Variants in RSU1 observed in about 807,000 individuals in gnomAD.
RSU1 encodes rsu-1.
RSU1 carries 26 observed loss-of-function variants against 31.1 expected under a neutral mutation model. The ratio of observed to expected loss-of-function variants is 0.84; its 90% CI spans 0.61 to 1.16. The LOEUF (loss-of-function observed/expected upper bound fraction) is 1.16. RSU1 is among the 50% of genes most tolerant of loss of function. RSU1 has a pLI of 0.00. For missense variants in RSU1, 320 were observed against 339.1 expected, an observed-to-expected ratio of 0.94 and a Z score of 0.44; for synonymous variants, 164 against 136.3, an observed-to-expected ratio of 1.20 and a Z score of -1.41.
At chr10:16,808,355 G>A (rs1490761893) in intron 2 of RSU1, among the ~76,000 whole-genome samples, 1 of 151,890 alleles carries the variant, frequency 6.6e-6, no homozygotes, top group Non-Finnish European at 1.5e-5. Flanking sequence ...GTTGTGGCAG[G>A]TGCCTGTAAT....
At chr10:16,696,357 C>G (rs903642104) in intron 7 of RSU1, among the ~76,000 whole-genome samples, 9 of 152,118 alleles carry the variant, frequency 5.9e-5, no homozygotes, top group African/African-American at 2.2e-4. Context: ...CTGATCTGAG[C>G]TTTGGAAATG....
At chr10:16,655,970 G>C (rs1400523465) in intron 8 of RSU1, among the ~76,000 whole-genome samples, 1 of 151,726 alleles carries the variant, frequency 6.6e-6, no homozygotes, top group African/African-American at 2.4e-5. Context: ...ATACTACTGT[G>C]ATAATAAAAA....
intron 8 of RSU1, among the ~76,000 whole-genome samples, chr10:16,640,624 C>T (rs570550087): frequency 6.6e-6 from 1 of 152,360 alleles, no homozygotes; most frequent in East Asian, 1.9e-4. Flanking sequence ...TCAAATGGGC[C>T]TTACCCCCTG....
chr10:16,728,689 G>A (rs1435939104), intron 7 of RSU1, among the ~76,000 whole-genome samples: 1 of 152,206 alleles, frequency 6.6e-6, no homozygotes, highest in East Asian at 1.9e-4. Flanking sequence ...TCTTGAGTTG[G>A]GGAGGTTATC....
At chr10:16,697,448 G>C (rs1365011830) in intron 7 of RSU1, among the ~76,000 whole-genome samples, 1 of 152,200 alleles carries the variant, frequency 6.6e-6, no homozygotes, top group Non-Finnish European at 1.5e-5. Flanking sequence ...CTTGAGGTCA[G>C]GAGTTCCAGA....
intron 8 of RSU1, among the ~76,000 whole-genome samples, chr10:16,620,825 A>G (rs1834056771): frequency 6.7e-6 from 1 of 149,418 alleles, no homozygotes; most frequent in Admixed American, 6.6e-5. Flanking sequence ...AGCCTGGGCA[A>G]CAGAGCGAGA....
chr10:16,654,236 C>T (rs1189335474), intron 8 of RSU1, among the ~76,000 whole-genome samples: 2 of 150,922 alleles, frequency 1.3e-5, no homozygotes, highest in African/African-American at 4.9e-5. Context: ...CTACTGACCT[C>T]AGGTGATCAG....
At chr10:16,817,282 A>C (rs974508618) in intron 1 of RSU1, 33 bp downstream of exon 1, 52 of 578,248 alleles carry the variant, frequency 9.0e-5, no homozygotes, top group Non-Finnish European at 1.5e-4. Flanking sequence ...CGCAGCGAGA[A>C]GCAACCCCAA....
chr10:16,637,616 G>C (rs1834365851), intron 8 of RSU1, among the ~76,000 whole-genome samples: 1 of 152,018 alleles, frequency 6.6e-6, no homozygotes, highest in Non-Finnish European at 1.5e-5. Context: ...GTAAACCTTA[G>C]GCCATGCTGG....
At chr10:16,634,216 C>G (rs866124479) in intron 8 of RSU1, among the ~76,000 whole-genome samples, 2 of 152,170 alleles carry the variant, frequency 1.3e-5, no homozygotes, top group African/African-American at 4.8e-5. Context: ...GGCCCTGGGG[C>G]TACCGACTCT....
At chr10:16,775,579 C>T (rs1417821402) in intron 3 of RSU1, among the ~76,000 whole-genome samples, 3 of 152,176 alleles carry the variant, frequency 2.0e-5, no homozygotes, top group South Asian at 2.1e-4. Flanking sequence ...CGGCAGGACA[C>T]GTCTTCGACT....
Position 16,591,850 on chromosome 10 carries a change from A to G in RSU1, c.*1544T>C, listed in dbSNP as rs1235855485. 1 of 152,170 alleles carries G rather than the reference A, an allele frequency of 6.6e-6. No homozygotes were observed. The allele number at this position is 152,170 out of a possible 1,614,324, so 9.4% of individuals were successfully genotyped here. On this transcript the variant is annotated 3_prime_UTR_variant, in exon 9 of 9. Coordinates refer to ENST00000345264, the MANE Select transcript of RSU1 (RefSeq NM_012425.4). Reference sequence around the variant, plus strand: ...AATCTCAAAAGCTCAAAAGTCAATTAAAAAAATTCAGGCAGAGGCATACAT... The same window carrying G: ...AATCTCAAAAGCTCAAAAGTCAATTGAAAAAATTCAGGCAGAGGCATACAT...
At chr10:16,747,512 C>T (rs1013209563) in intron 7 of RSU1, among the ~76,000 whole-genome samples, 1 of 152,116 alleles carries the variant, frequency 6.6e-6, no homozygotes, top group African/African-American at 2.4e-5. Flanking sequence ...AACCTTAACT[C>T]TCTCACCCCT....
At chr10:16,784,725 C>G (rs559204949) in intron 2 of RSU1, among the ~76,000 whole-genome samples, 3 of 152,166 alleles carry the variant, frequency 2.0e-5, no homozygotes, top group Non-Finnish European at 4.4e-5. Flanking sequence ...TGCAGGGGAA[C>G]TCCCCTTCAT....
chr10:16,788,964 G>C (rs1312811331), intron 2 of RSU1, among the ~76,000 whole-genome samples: 3 of 152,156 alleles, frequency 2.0e-5, no homozygotes, highest in Admixed American at 6.5e-5. Flanking sequence ...CCATCTGAGA[G>C]TCACTGAAGT....
chr10:16,633,017 T>C (rs1834279514), intron 8 of RSU1, among the ~76,000 whole-genome samples: 1 of 152,190 alleles, frequency 6.6e-6, no homozygotes, highest in Non-Finnish European at 1.5e-5. Context: ...ATGGTACCTT[T>C]AGACTAGAGT....
intron 7 of RSU1, among the ~76,000 whole-genome samples, chr10:16,732,957 T>C (rs1192096189): frequency 6.6e-6 from 1 of 152,152 alleles, no homozygotes; most frequent in Non-Finnish European, 1.5e-5. Flanking sequence ...TCTACCTGCA[T>C]GGCTTTGACA....
intron 8 of RSU1, among the ~76,000 whole-genome samples, chr10:16,648,429 G>A (rs892706170): frequency 6.6e-6 from 1 of 152,194 alleles, no homozygotes; most frequent in African/African-American, 2.4e-5. Flanking sequence ...TGGGCAGAGA[G>A]CTTATTGCTT....
At chr10:16,704,640 T>A (rs911645180) in intron 7 of RSU1, among the ~76,000 whole-genome samples, 3 of 152,230 alleles carry the variant, frequency 2.0e-5, no homozygotes, top group Admixed American at 1.3e-4. Context: ...CAGAATTCTG[T>A]CATCAGAATC....
Sources: allele counts gnomAD v4.1 joint callset (sites outside exome capture counted in the v4.1 genomes callset), GRCh38; gene constraint gnomAD v4.1.1; transcripts MANE v1.5; gene names NCBI Gene and HGNC (gene_info 2026-07-23, HGNC 2026-07-21).